Variants in VCAN observed in about 807,000 individuals in gnomAD.
The protein encoded by VCAN is versican core protein.
VCAN carries 44 observed loss-of-function variants against 245.5 expected under a neutral mutation model. The ratio of observed to expected loss-of-function variants is 0.18; its 90% CI spans 0.14 to 0.23. The LOEUF (loss-of-function observed/expected upper bound fraction) is 0.23, where lower values mean the gene tolerates loss of function less well. VCAN is among the 10% of genes least tolerant of loss of function. The pLI, the probability that VCAN is intolerant of heterozygous loss-of-function variation, is 1.00. For synonymous variants in VCAN, 1,413 were observed against 1,437.0 expected (o/e 0.98, Z 0.38); for missense variants, 3,793 against 4,057.9 (o/e 0.93, Z 1.77).
chr5:83,484,917 C>A (rs780228470), intron 2 of VCAN, among the ~76,000 whole-genome samples: 1 of 152,080 alleles, frequency 6.6e-6, no homozygotes, highest in Non-Finnish European at 1.5e-5. Context: ...GAAGAAACAT[C>A]GTGTGTTTGA....
In VCAN at chr5:83,539,675, T is replaced by C. The variant is rs183187115; in HGVS notation, c.6672T>C (p.Asp2224=). Residue 2224 remains aspartate (D), a synonymous_variant, in exon 8 of 15, where the codon GAT becomes GAC. Transcript: ENST00000265077. ...ESIPAEHVVT[D]SPIKKEESTK... is the part of the protein sequence containing the mutation. ...TACCAGCTGAACATGTAGTCACAGA[T>C]TCACCAATCAAAAAGGAAGAAAGTA... 3 of 1,613,832 alleles carry C rather than the reference T, an allele frequency of 1.9e-6. No homozygotes were observed. The highest frequency in any genetic ancestry group is 2.5e-6 in the Non-Finnish European group (3 of 1,179,994).
At chr5:83,519,254 T>C in intron 6 of VCAN, 95 bp from the exon 7 acceptor site, 1 of 1,318,094 alleles carries the variant, frequency 7.6e-7, no homozygotes, top group Non-Finnish European at 1.1e-6. Context: ...CCAAAAATAC[T>C]CCCTACAAAA....
At position 83,520,000 on chromosome 5, in the gene VCAN, G is replaced by A. The variant is rs751263081; in HGVS notation, c.1694G>A (p.Gly565Glu). 3.7e-6 allele frequency: 6 copies of A among 1,614,072 alleles called. No individual in the cohort carries two copies. The highest frequency in any genetic ancestry group is 4.2e-6 in the Non-Finnish European group (5 of 1,179,966). Residue 565 changes from glycine to glutamate, a missense_variant, in exon 7 of 15, where the codon GGA becomes GAA. Gly to Glu is a moderately conservative substitution (Grantham distance 98). Around this residue, in one of 5 missense-constraint regions of VCAN, gnomAD observed 3,182 missense variants for 3,250.3 expected, o/e 0.98. Transcript: ENST00000265077. ...GATGAAGACAGAACACTTACAGTTG[G>A]ATCTGATGAGAGCACCTTGATCTTT... ...EDDEDRTLTVGSDESTLIFDQ... is the reference protein window; with the variant it reads ...EDDEDRTLTVESDESTLIFDQ...
chr5:83,561,109 T>C (rs1344605711), intron 12 of VCAN, among the ~76,000 whole-genome samples: 3 of 152,156 alleles, frequency 2.0e-5, no homozygotes, highest in African/African-American at 7.2e-5. Context: ...TTTTTTTACT[T>C]CTGTCATCTC....
chr5:83,578,549 A>G (rs893921228), intron 13 of VCAN, among the ~76,000 whole-genome samples: 2 of 152,116 alleles, frequency 1.3e-5, no homozygotes, highest in Admixed American at 1.3e-4. Flanking sequence ...AGAACCAAAC[A>G]TTTAAATTAA....
At chr5:83,518,246 T>TA (rs948252292) in intron 6 of VCAN, among the ~76,000 whole-genome samples, 3 of 149,580 alleles carry the variant, frequency 2.0e-5, no homozygotes, top group Non-Finnish European at 3.0e-5. Context: ...ATTTTTATTT[T>TA]AAAAAAACAA....
chr5:83,574,549 A>C (rs969955750), intron 13 of VCAN, among the ~76,000 whole-genome samples: 6 of 152,168 alleles, frequency 3.9e-5, no homozygotes, highest in Non-Finnish European at 8.8e-5. Context: ...TTTCAGAATT[A>C]TGATTTTGGG....
intron 9 of VCAN, among the ~76,000 whole-genome samples, chr5:83,546,205 A>C (rs1747211895): frequency 6.7e-6 from 1 of 150,238 alleles, no homozygotes; most frequent in South Asian, 2.1e-4. Flanking sequence ...TGACCCTCAC[A>C]CTCCCATATT....
chr5:83,538,757 G>C lies in VCAN; in HGVS notation c.5754G>C (p.Gly1918=), dbSNP rs182828013. The part of the protein sequence containing the change: ...ISERLGEPNY[G]AEIRGFSTGF... ...AGCGATTAGGAGAACCAAATTATGG[G>C]GCAGAAATAAGGGGCTTTTCCACAG... is the stretch of plus-strand genomic sequence containing the variant. Residue 1918 remains glycine (G), a synonymous_variant, in exon 8 of 15, where the codon GGG becomes GGC. Transcript: ENST00000265077. 1 of 1,613,916 alleles carries C rather than the reference G, an allele frequency of 6.2e-7. No homozygotes were observed. The highest frequency in any genetic ancestry group is 8.5e-7 in the Non-Finnish European group (1 of 1,179,964).
chr5:83,493,743 G>C (rs780849009), intron 4 of VCAN, 23 bp downstream of exon 4: 7 of 1,614,120 alleles, frequency 4.3e-6, no homozygotes, highest in African/African-American at 4.0e-5. Flanking sequence ...GGGGCCACAG[G>C]CTTCATTATT....
At position 83,521,694 on chromosome 5, in the gene VCAN, G is replaced by C; in HGVS notation, c.3388G>C (p.Val1130Leu). ...VTLTPRIGPK[V>L]SLSPGPEQKY... ...ACTAACACCACGCATTGGGCCAAAAGTATCTTTAAGTCCAGGGCCTGAACA... is the reference window on the plus strand; with the variant it reads ...ACTAACACCACGCATTGGGCCAAAACTATCTTTAAGTCCAGGGCCTGAACA... The change falls in exon 7 of 15, where the codon GTA becomes CTA. Residue 1130 changes from valine (V) to leucine (L), a missense_variant. Val to Leu is a conservative substitution (Grantham distance 32). This residue lies in a region of VCAN where 3,182 missense variants were observed against 3,250.3 expected (regional missense o/e 0.98). Transcript: ENST00000265077. 6.2e-7 allele frequency: 1 copy of C among 1,613,948 alleles called. No homozygotes were observed. The highest frequency in any genetic ancestry group is 8.5e-7 in the Non-Finnish European group (1 of 1,180,004).
rs1369254770 is a variant in VCAN, at chr5:83,542,258, C to T, written c.9255C>T (p.Ile3085=). Reference sequence around the variant, plus strand: ...AAGAGTCAGTGGAAGGCACGGCAATCTATTTACCAGGTAAGATCACAACAT... The same window carrying T: ...AAGAGTCAGTGGAAGGCACGGCAATTTATTTACCAGGTAAGATCACAACAT... ...INEESVEGTA[I]YLPGPDRCKM... Residue 3085 remains isoleucine, a synonymous_variant, in exon 8 of 15, where the codon ATC becomes ATT. Transcript: ENST00000265077. The T allele has an allele frequency of 6.2e-7, 1 of 1,612,784 alleles. No homozygotes were observed.
At chr5:83,511,590 A>G (rs1483942099) in intron 5 of VCAN, among the ~76,000 whole-genome samples, 3 of 149,674 alleles carry the variant, frequency 2.0e-5, no homozygotes, top group Non-Finnish European at 4.4e-5. Flanking sequence ...TTTTTTATTT[A>G]ATGGCGTTAA....
chr5:83,484,508 C>CA (rs1744726740), intron 2 of VCAN, among the ~76,000 whole-genome samples: 1 of 137,216 alleles, frequency 7.3e-6, no homozygotes, highest in Non-Finnish European at 1.6e-5. Context: ...TCCATCCATC[C>CA]TTCCATCCAT....
At chr5:83,502,472 G>A (rs1481475848) in intron 5 of VCAN, among the ~76,000 whole-genome samples, 2 of 152,118 alleles carry the variant, frequency 1.3e-5, no homozygotes, top group African/African-American at 4.8e-5. Flanking sequence ...TCAATCTTTT[G>A]TATATTTTGA....
At position 83,520,576 on chromosome 5, in the gene VCAN, G is replaced by A. The variant is rs1215171930; in HGVS notation, c.2270G>A (p.Ser757Asn). 13 of 1,613,908 alleles carry A rather than the reference G, an allele frequency of 8.1e-6. No individual in the cohort carries two copies. The Admixed American group carries it at 2.2e-4, about 27-fold the overall frequency. The change falls in exon 7 of 15, where the codon AGT becomes AAT. Residue 757 changes from serine to asparagine, a missense_variant. By Grantham distance (46) the Ser-to-Asn change is conservative. This residue lies in a region of VCAN where 3,182 missense variants were observed against 3,250.3 expected (regional missense o/e 0.98). Transcript: ENST00000265077. ...FDFPTLITKL[S>N]AEPTEVRDME... Reference sequence around the variant, plus strand: ...TTCCCAACATTGATAACAAAGTTAAGTGCAGAGCCAACAGAAGTAAGAGAT... The same window carrying A: ...TTCCCAACATTGATAACAAAGTTAAATGCAGAGCCAACAGAAGTAAGAGAT...
At position 83,516,049 on chromosome 5, in the gene VCAN, G is replaced by A. The variant is rs551101491; in HGVS notation, c.1043-3300G>A. 8.1e-4 allele frequency among the ~76,000 whole-genome samples: 124 copies of A among 152,260 alleles called. No homozygotes were observed. In the Middle Eastern group the frequency reaches 0.024, roughly 29 times the overall value. ...AGATCGAGACCATCCTGGCTAACAC[G>A]GTGAAACCCCATCTCTACTAAAAAT... On this transcript the variant is annotated intron_variant, in intron 6 of 14. Transcript: ENST00000265077.
chr5:83,505,049 C>G (rs1745442380), intron 5 of VCAN, among the ~76,000 whole-genome samples: 1 of 152,118 alleles, frequency 6.6e-6, no homozygotes, highest in Non-Finnish European at 1.5e-5. Flanking sequence ...CATTACCTCC[C>G]CCTGGGTCCC....
Position 83,512,213 on chromosome 5 carries a change from T to C in VCAN, c.859T>C (p.Trp287Arg), listed in dbSNP as rs766419460. 6 of 1,614,106 alleles carry C rather than the reference T, an allele frequency of 3.7e-6. No homozygotes were observed. Among genetic ancestry groups the C allele is most frequent in the Non-Finnish European group, 3.4e-6 (4 of 1,180,028 alleles). The change falls in exon 6 of 15, where the codon TGG (tryptophan) becomes CGG (arginine). Residue 287 changes from tryptophan (W) to arginine (R), a missense_variant. Coordinates refer to ENST00000265077, the MANE Select transcript of VCAN (RefSeq NM_004385.5). ...AACAGTGGGGGAACTCCAGGCGGCA[T>C]GGAGGAACGGCTTTGACCAGTGCGA... Reference protein sequence around the residue: ...LATVGELQAAWRNGFDQCDYG... With the variant: ...LATVGELQAARRNGFDQCDYG...
Sources: allele counts gnomAD v4.1 joint callset (sites outside exome capture counted in the v4.1 genomes callset), GRCh38; gene constraint gnomAD v4.1.1; regional missense constraint gnomAD v4.1.1; transcripts MANE v1.5; gene names NCBI Gene and HGNC (gene_info 2026-07-23, HGNC 2026-07-21).